CALN1: variants seen among roughly 807,000 people sequenced by gnomAD.
CALN1 encodes calcium-binding protein 8.
Under a neutral mutation model 30.6 loss-of-function variants are expected in CALN1, and 17 were observed. The ratio of observed to expected loss-of-function variants is 0.56; its 90% CI spans 0.38 to 0.83. CALN1 has a LOEUF of 0.83. Among genes scored for constraint, CALN1 ranks in the 40% least tolerant of loss-of-function variants. The probability of loss-of-function intolerance (pLI) is 0.00; values close to 1 mark genes in which losing one functional copy is unlikely to be tolerated. For synonymous variants in CALN1, 156 were observed against 131.4 expected, an observed-to-expected ratio of 1.19 and a Z score of -1.28; for missense variants, 291 against 354.9, an observed-to-expected ratio of 0.82 and a Z score of 1.45.
chr7:71,984,960 C>T (rs952961975), intron 5 of CALN1, among the ~76,000 whole-genome samples: 11 of 152,120 alleles, frequency 7.2e-5, no homozygotes, highest in Admixed American at 2.6e-4. Context: ...CTCCTGGGGA[C>T]GTAGCAAGTT....
intron 2 of CALN1, among the ~76,000 whole-genome samples, chr7:72,397,679 C>T (rs1304314182): frequency 1.4e-5 from 2 of 148,040 alleles, no homozygotes; most frequent in Admixed American, 6.8e-5. Flanking sequence ...TCTCACTGCT[C>T]CTCTTGGGGG....
At chr7:72,119,850 G>A (rs1808254985) in intron 3 of CALN1, among the ~76,000 whole-genome samples, 1 of 152,198 alleles carries the variant, frequency 6.6e-6, no homozygotes, top group Admixed American at 6.5e-5. Flanking sequence ...CCCATGACAT[G>A]TGGGAATTGT....
At chr7:71,881,909 CA>C (rs112654398) in intron 5 of CALN1, among the ~76,000 whole-genome samples, 23,613 of 138,752 alleles carry the variant, frequency 0.17, 2,256 homozygotes, top group Non-Finnish European at 0.24. Context: ...CCTATATTTA[CA>C]AAAAAAAAAA....
intron 3 of CALN1, among the ~76,000 whole-genome samples, chr7:72,243,784 G>C (rs969854794): frequency 6.6e-6 from 1 of 152,170 alleles, no homozygotes; most frequent in Non-Finnish European, 1.5e-5. Context: ...TGGCCCGAAG[G>C]AAAGAACTCA....
At chr7:72,140,630 T>C (rs75545300) in intron 3 of CALN1, among the ~76,000 whole-genome samples, 355 of 152,368 alleles carry the variant, frequency 2.3e-3, no homozygotes, top group Non-Finnish European at 3.9e-3. Context: ...ATGTGGCCTA[T>C]GTCTGTTGAA....
chr7:72,337,174 G>A (rs927941177), intron 2 of CALN1: 3 of 985,134 alleles, frequency 3.0e-6, no homozygotes, highest in Middle Eastern at 5.2e-4. Flanking sequence ...ATGCAGCTCC[G>A]GCCTCCTCCC....
intron 2 of CALN1, among the ~76,000 whole-genome samples, chr7:72,369,427 T>A (rs1195211153): frequency 6.6e-6 from 1 of 151,486 alleles, no homozygotes; most frequent in East Asian, 1.9e-4. Context: ...GCAGTGGCAA[T>A]CCCTGCTCAC....
chr7:72,115,190 TTA>T (rs1807885851), intron 3 of CALN1, among the ~76,000 whole-genome samples: 1 of 147,166 alleles, frequency 6.8e-6, no homozygotes, highest in African/African-American at 2.5e-5. Flanking sequence ...TATTATACAA[TTA>T]TATATATTAA....
chr7:72,038,909 G>C (rs1801962809), intron 4 of CALN1, among the ~76,000 whole-genome samples: 1 of 152,218 alleles, frequency 6.6e-6, no homozygotes, highest in Non-Finnish European at 1.5e-5. Flanking sequence ...CAGCCCTCAT[G>C]GCTGCTCTGC....
At chr7:72,408,270 TAAAAAAAAA>T (rs34402288) in intron 1 of CALN1, among the ~76,000 whole-genome samples, 19 of 129,446 alleles carry the variant, frequency 1.5e-4, no homozygotes, top group Admixed American at 3.9e-4. Context: ...CCATCTCTAT[TAAAAAAAAA>T]AAAAAAAAAA....
chr7:72,288,138 G>A (rs1011087748), intron 2 of CALN1, among the ~76,000 whole-genome samples: 8 of 152,064 alleles, frequency 5.3e-5, no homozygotes. Flanking sequence ...CACTGACTGG[G>A]GCCACCATCA....
At chr7:71,860,483 AC>A (rs919087068) in intron 5 of CALN1, among the ~76,000 whole-genome samples, 4 of 152,068 alleles carry the variant, frequency 2.6e-5, no homozygotes, top group Admixed American at 2.0e-4. Context: ...GAGCCACCGC[AC>A]CCAGCCTTGA....
intron 4 of CALN1, among the ~76,000 whole-genome samples, chr7:72,073,848 C>G (rs1366930319): frequency 6.6e-6 from 1 of 152,140 alleles, no homozygotes; most frequent in Non-Finnish European, 1.5e-5. Flanking sequence ...TGTATGCCAC[C>G]ATGACTGGCT....
chr7:72,459,395 T>C, the CALN1 span, among the ~76,000 whole-genome samples: 2 of 152,288 alleles, frequency 1.3e-5, no homozygotes, highest in East Asian at 3.9e-4. Context: ...CAAGTTATGA[T>C]TTATTAATTT....
At chr7:71,894,887 A>G (rs1410205678) in intron 5 of CALN1, among the ~76,000 whole-genome samples, 3 of 152,202 alleles carry the variant, frequency 2.0e-5, no homozygotes, top group Non-Finnish European at 4.4e-5. Context: ...TGAAGTTTCC[A>G]TATTTCTGAC....
At chr7:72,413,143 T>C (rs1449747950), upstream of CALN1, among the ~76,000 whole-genome samples, 3 of 151,952 alleles carry the variant, frequency 2.0e-5, no homozygotes, top group Admixed American at 1.3e-4. Context: ...ACACGTATGC[T>C]CACTTACATG....
intron 5 of CALN1, among the ~76,000 whole-genome samples, chr7:72,020,740 G>A (rs1421293346): frequency 6.6e-6 from 1 of 152,172 alleles, no homozygotes; most frequent in African/African-American, 2.4e-5. Context: ...GACTTTGTGA[G>A]CATTATAGCA....
At chr7:72,455,894 G>A in the CALN1 span, among the ~76,000 whole-genome samples, 1 of 152,106 alleles carries the variant, frequency 6.6e-6, no homozygotes, top group Non-Finnish European at 1.5e-5. Flanking sequence ...CCACTATAGG[G>A]CTAAGCTGTG....
At chr7:72,039,141 T>C (rs1279858787) in intron 4 of CALN1, among the ~76,000 whole-genome samples, 3 of 152,216 alleles carry the variant, frequency 2.0e-5, no homozygotes, top group Non-Finnish European at 4.4e-5. Context: ...ATTTGAACCA[T>C]ATGACTTTTT....
Sources: gnomAD v4.1 joint callset for allele counts (sites outside exome capture counted in the v4.1 genomes callset) on GRCh38, gnomAD v4.1.1 for gene constraint, MANE v1.5 for transcripts, NCBI Gene and HGNC (gene_info 2026-07-23, HGNC 2026-07-21) for gene names.